The following NDUFA9 variants were observed in gnomAD, a reference collection of about 807,000 sequenced individuals.
The protein encoded by NDUFA9 is NADH:ubiquinone oxidoreductase subunit A9.
A neutral mutation model predicts 45.9 loss-of-function variants in NDUFA9; 23 were observed. That is an observed-to-expected ratio of 0.50 (90% CI 0.36 to 0.71). NDUFA9 has a LOEUF of 0.71. NDUFA9 is among the 30% of genes least tolerant of loss of function. The pLI is 0.00. For synonymous variants in NDUFA9, 176 were observed against 170.5 expected, an observed-to-expected ratio of 1.03 and a Z score of -0.25; for missense variants, 466 against 488.2, an observed-to-expected ratio of 0.95 and a Z score of 0.43.
chr12:4,677,108 C>T (rs1467590010), intron 8 of NDUFA9, among the ~76,000 whole-genome samples: 1 of 152,142 alleles, frequency 6.6e-6, no homozygotes, highest in Admixed American at 6.6e-5. Context: ...ATGCAGAAAG[C>T]TGAAACTGGA....
intron 3 of NDUFA9, chr12:4,655,979 T>C (rs893741266): frequency 3.3e-5 from 5 of 152,238 alleles, no homozygotes; most frequent in African/African-American, 9.6e-5. Flanking sequence ...TGGGCCTTGA[T>C]GCTTAAATCT....
At position 4,688,747 on chromosome 12, in the gene NDUFA9, C is replaced by T. The variant is rs1206765920; in HGVS notation, c.*1639C>T. On this transcript the variant is annotated 3_prime_UTR_variant, in exon 11 of 11. Coordinates refer to ENST00000266544, the MANE Select transcript of NDUFA9 (RefSeq NM_005002.5). ...TTATTAAACATTCTAGTTTATTCTC[C>T]TGTACACTAGTATGTCAGAATCAGC... The T allele has an allele frequency of 8.1e-6, 1 of 124,076 alleles. No individual in the cohort carries two copies. The highest frequency in any genetic ancestry group is 1.9e-5 in the Non-Finnish European group (1 of 51,728). 7.7% of individuals were successfully genotyped at this position (124,076 alleles called of 1,614,324 possible).
Position 4,688,073 on chromosome 12 carries a change from C to T in NDUFA9, c.*965C>T, listed in dbSNP as rs1945998473. 6.6e-6 allele frequency: 1 copy of T among 152,274 alleles called. No homozygotes were observed. The highest frequency in any genetic ancestry group is 1.5e-5 in the Non-Finnish European group (1 of 68,076). 9.4% of individuals were successfully genotyped at this position (152,274 alleles called of 1,614,324 possible). On this transcript the variant is annotated 3_prime_UTR_variant, in exon 11 of 11. Transcript: ENST00000266544. ...ATCAGTGTTGAAGGTAAGTTCTCCA[C>T]CTGCCCTTTCTGCCTGCATCAGAAT...
chr12:4,677,370 C>A (rs1282675860), intron 8 of NDUFA9, among the ~76,000 whole-genome samples: 2 of 152,158 alleles, frequency 1.3e-5, no homozygotes, highest in African/African-American at 4.8e-5. Flanking sequence ...AGGCAACCTA[C>A]AGAATGGGAG....
At chr12:4,683,047 C>CT (rs1945963193) in intron 9 of NDUFA9, among the ~76,000 whole-genome samples, 1 of 152,078 alleles carries the variant, frequency 6.6e-6, no homozygotes, top group South Asian at 2.1e-4. Context: ...GCACTCCAGC[C>CT]TAGGTGACTG....
chr12:4,659,978 C>T (rs1044408783), intron 5 of NDUFA9, among the ~76,000 whole-genome samples: 1 of 152,176 alleles, frequency 6.6e-6, no homozygotes, highest in Non-Finnish European at 1.5e-5. Context: ...AGAGAGAATG[C>T]TTGTGCCTGC....
At chr12:4,674,620 C>G (rs1005821210) in intron 8 of NDUFA9, among the ~76,000 whole-genome samples, 3 of 152,194 alleles carry the variant, frequency 2.0e-5, no homozygotes, top group African/African-American at 4.8e-5. Flanking sequence ...GAAGAGCTAA[C>G]TATCCTGAAT....
Position 4,682,273 on chromosome 12 carries a change from C to T in NDUFA9, c.869C>T (p.Pro290Leu), listed in dbSNP as rs370849668. The change falls in exon 9 of 11, where the codon CCA (proline) becomes CTA (leucine). Residue 290 changes from proline to leucine, a missense_variant. By Grantham distance (98) the Pro-to-Leu change is moderately conservative (BLOSUM62 -3). Transcript: ENST00000266544. ...IFAVAHRLFL[P>L]FPLPLFAYRW... Reference sequence around the variant, plus strand: ...GCTGTGGCTCACAGATTGTTCCTCCCATTCCCCTTGCCGCTTTTTGCCTAT... The same window carrying T: ...GCTGTGGCTCACAGATTGTTCCTCCTATTCCCCTTGCCGCTTTTTGCCTAT... The T allele has an allele frequency of 3.1e-6, 5 of 1,613,098 alleles. No homozygotes were observed. In the African/African-American group the frequency reaches 5.3e-5, roughly 17 times the overall value.
chr12:4,666,872 A>G (rs1443860115), intron 6 of NDUFA9, among the ~76,000 whole-genome samples: 1 of 152,204 alleles, frequency 6.6e-6, no homozygotes, highest in Non-Finnish European at 1.5e-5. Context: ...TTTAAATGTC[A>G]TATGAATTTT....
chr12:4,653,177 A>G (rs1210385794), intron 1 of NDUFA9, among the ~76,000 whole-genome samples: 1 of 152,266 alleles, frequency 6.6e-6, no homozygotes, highest in Non-Finnish European at 1.5e-5. Flanking sequence ...TGTATCCAAA[A>G]GAGATTCTCA....
rs1945844754 is a variant in NDUFA9 at position 4,664,958 on chromosome 12, G to A, written c.655+2323G>A. 2.0e-5 allele frequency among the ~76,000 whole-genome samples: 3 copies of A among 151,970 alleles called. No individual in the cohort carries two copies. In the South Asian group the frequency reaches 6.2e-4, roughly 32 times the overall value. ...AATGTCTATCTTATGCCTGTCTCAC[G>A]GCTGTATTTTGGAAGCACATAACTT... On this transcript the variant is annotated intron_variant, in intron 6 of 10. Coordinates refer to ENST00000266544, the MANE Select transcript of NDUFA9 (RefSeq NM_005002.5).
At position 4,692,704 on chromosome 12, in the gene NDUFA9, G is replaced by A. The variant is rs1946024801; in HGVS notation, c.*5596G>A. 6.6e-6 allele frequency: 1 copy of A among 152,308 alleles called. No individual in the cohort carries two copies. The allele number at this position is 152,308 out of a possible 1,614,324, so 9.4% of individuals were successfully genotyped here. A position where few individuals can be genotyped will look rare whatever the true frequency, so the allele number is the denominator to read the frequency against. ...GTATAACTTGTGGTGCCTAGCCCTA[G>A]AGGGAATGGAAGGGCCAGAATCCAG... On this transcript the variant is annotated 3_prime_UTR_variant, in exon 11 of 11. Coordinates refer to ENST00000266544, the MANE Select transcript of NDUFA9 (RefSeq NM_005002.5).
At chr12:4,667,752 C>T (rs34947765) in intron 6 of NDUFA9, 21,650 of 151,698 alleles carry the variant, frequency 0.14, 1,706 homozygotes, top group Middle Eastern at 0.21. Context: ...CCTTGTGATC[C>T]GCCCATCTTG....
rs1472521840 is a variant in NDUFA9, at chr12:4,691,073, C to T, written c.*3965C>T. ...GTTGAGTTCCATACAGATTTGGCTT[C>T]GAATATGAGTTCCACTACTTCTTAG... is the stretch of plus-strand genomic sequence containing the variant. On this transcript the variant is annotated 3_prime_UTR_variant, in exon 11 of 11. Coordinates refer to ENST00000266544, the MANE Select transcript of NDUFA9 (RefSeq NM_005002.5). 2.0e-5 allele frequency: 3 copies of T among 152,094 alleles called. No individual in the cohort carries two copies. Among genetic ancestry groups the T allele is most frequent in the South Asian group, 2.1e-4 (1 of 4,824 alleles). The allele number at this position is 152,094 out of a possible 1,614,324, so 9.4% of individuals were successfully genotyped here.
At position 4,688,147 on chromosome 12, in the gene NDUFA9, T is replaced by C. The variant is rs986617182; in HGVS notation, c.*1039T>C. The C allele has an allele frequency of 6.6e-6, 1 of 152,234 alleles. No homozygotes were observed. The highest frequency in any genetic ancestry group is 1.5e-5 in the Non-Finnish European group (1 of 68,080). The allele number at this position is 152,234 out of a possible 1,614,324, so 9.4% of individuals were successfully genotyped here. A position where few individuals can be genotyped will look rare whatever the true frequency, so the allele number is the denominator to read the frequency against. ...AGTGAGCTACTCCAAGTGTGGTCCA[T>C]AGATCACCAGCATTGGGATCATCTT... On this transcript the variant is annotated 3_prime_UTR_variant, in exon 11 of 11. Coordinates refer to ENST00000266544, the MANE Select transcript of NDUFA9 (RefSeq NM_005002.5).
intron 10 of NDUFA9, among the ~76,000 whole-genome samples, 171 bp downstream of exon 10, chr12:4,685,496 G>A (rs889077151): frequency 6.6e-6 from 1 of 152,074 alleles, no homozygotes; most frequent in Non-Finnish European, 1.5e-5. Context: ...TCCAGGGGGC[G>A]GCTCCTCCCT....
intron 8 of NDUFA9, among the ~76,000 whole-genome samples, chr12:4,680,077 G>C (rs986108646): frequency 6.6e-6 from 1 of 152,148 alleles, no homozygotes; most frequent in Admixed American, 6.5e-5. Context: ...TTTCTTGTTG[G>C]AATGTGAGGT....
chr12:4,682,421 A>G (rs1945959099), intron 9 of NDUFA9, 121 bp downstream of exon 9: 17 of 559,100 alleles, frequency 3.0e-5, no homozygotes. Context: ...TCCTAGTGTT[A>G]TGACATTAGC....
intron 5 of NDUFA9, among the ~76,000 whole-genome samples, chr12:4,662,078 C>T (rs1467798479): frequency 3.9e-5 from 6 of 152,272 alleles, no homozygotes; most frequent in Middle Eastern, 3.4e-3. Flanking sequence ...AAGGATGGTA[C>T]AGCAATTGAG....
Sources: gnomAD v4.1 joint callset for allele counts (sites outside exome capture counted in the v4.1 genomes callset) on GRCh38, gnomAD v4.1.1 for gene constraint, MANE v1.5 for transcripts, NCBI Gene and HGNC (gene_info 2026-07-23, HGNC 2026-07-21) for gene names.